The following COX7B variants were observed in gnomAD, a reference collection of about 807,000 sequenced individuals.
COX7B encodes cytochrome c oxidase subunit 7B, mitochondrial.
In COX7B, 2 loss-of-function variants were observed where a neutral mutation model predicts 7.9. That is an observed-to-expected ratio of 0.25 (90% CI 0.10 to 0.79). The LOEUF (loss-of-function observed/expected upper bound fraction) is 0.79, where lower values mean the gene tolerates loss of function less well. Ranked by LOEUF, COX7B falls within the 30% of genes least tolerant of loss-of-function variation. The probability of loss-of-function intolerance (pLI) is 0.69; values close to 1 mark genes in which losing one functional copy is unlikely to be tolerated. For synonymous variants in COX7B, 19 were observed against 21.1 expected (o/e 0.90, Z 0.27); for missense variants, 54 against 62.7 (o/e 0.86, Z 0.47).
Position 77,899,477 on chromosome X carries a change from C to T in COX7B, c.-77C>T, listed in dbSNP as rs2077114987. The T allele has an allele frequency of 9.2e-7, 1 of 1,090,246 alleles. No individual in the cohort carries two copies. The highest frequency in any genetic ancestry group is 1.9e-5 in the South Asian group (1 of 52,183). The allele number at this position is 1,090,246 out of a possible 1,213,427, so 89.8% of individuals were successfully genotyped here. On this transcript the variant is annotated 5_prime_UTR_variant, in exon 1 of 3. Coordinates refer to ENST00000650309, the MANE Select transcript of COX7B (RefSeq NM_001866.3). ...GGCTGAAAGCCATTTTGTTTTTCAG[C>T]TCACTTCAAGGGTACCTGAAGCGAA... is the stretch of plus-strand genomic sequence containing the variant.
chrX:77,903,028 G>GA, intron 2 of COX7B: 1 of 149,396 alleles, frequency 6.7e-6, no homozygotes, highest in African/African-American at 3.6e-5. Context: ...TTTTGTTTTT[G>GA]TTTTTTTTTT....
Position 77,904,258 on chromosome X carries a change from G to A in COX7B, c.166-926G>A, listed in dbSNP as rs573752285. Among the ~76,000 whole-genome samples, 3 of 109,895 alleles carry A rather than the reference G, an allele frequency of 2.7e-5. No individual in the cohort carries two copies. In the South Asian group the frequency reaches 1.2e-3, roughly 43 times the overall value. ...GAAGTCTTAATAAATGCATAAGTTGGTTTAAAAAGATACAAATTAATCCTT... is the reference window on the plus strand; with the variant it reads ...GAAGTCTTAATAAATGCATAAGTTGATTTAAAAAGATACAAATTAATCCTT... On this transcript the variant is annotated intron_variant, in intron 2 of 2. Transcript: ENST00000650309.
intron 2 of COX7B, among the ~76,000 whole-genome samples, chrX:77,904,659 C>CA (rs1324054242): frequency 1.4e-3 from 144 of 103,115 alleles, no homozygotes; most frequent in African/African-American, 3.2e-3. Context: ...AAAAAAGTCT[C>CA]AAAAAAAAAA....
chrX:77,903,334 C>T (rs1306636027), intron 2 of COX7B: 1 of 108,821 alleles, frequency 9.2e-6, no homozygotes, highest in Non-Finnish European at 1.9e-5. Context: ...AGCGGGATTA[C>T]AGGCGCCCTC....
intron 2 of COX7B, chrX:77,903,300 TTCTCCTG>T (rs2077126052): frequency 9.3e-6 from 1 of 108,028 alleles, no homozygotes; most frequent in Non-Finnish European, 1.9e-5. Context: ...GTTCAAGTGA[TTCTCCTG>T]TCTCAGCCTC....
At chrX:77,905,139 T>A (rs782653143) in intron 2 of COX7B, 45 bp from the exon 3 acceptor site, 1 of 974,699 alleles carries the variant, frequency 1.0e-6, no homozygotes, top group South Asian at 1.9e-5. Flanking sequence ...CGAGAGAGTG[T>A]ACTCTGGTTT....
rs1557221047 is a variant in COX7B, at chrX:77,905,408, A to C, written c.*147A>C. 1 of 451,458 alleles carries C rather than the reference A, an allele frequency of 2.2e-6. No individual in the cohort carries two copies. Among genetic ancestry groups the C allele is most frequent in the Non-Finnish European group, 3.8e-6 (1 of 260,053 alleles). 37.2% of individuals were successfully genotyped at this position (451,458 alleles called of 1,213,427 possible). A position where few individuals can be genotyped will look rare whatever the true frequency, so the allele number is the denominator to read the frequency against. On this transcript the variant is annotated 3_prime_UTR_variant, in exon 3 of 3. Coordinates refer to ENST00000650309, the MANE Select transcript of COX7B (RefSeq NM_001866.3). The stretch of plus-strand genomic sequence containing the variant: ...TCATTGTAGGTTTTGTTTCTTTGTA[A>C]ATGAAACTAAGCTTGATCACTTTAG...
rs2077136087 is a variant in COX7B, at chrX:77,906,732, A to AT, written c.*1473dup. 9.0e-6 allele frequency: 1 copy of AT among 110,950 alleles called. No individual in the cohort carries two copies. The highest frequency in any genetic ancestry group is 9.6e-5 in the Admixed American group (1 of 10,370). The allele number at this position is 110,950 out of a possible 1,213,427, so 9.1% of individuals were successfully genotyped here. On this transcript the variant is annotated 3_prime_UTR_variant, in exon 3 of 3. Coordinates refer to ENST00000650309, the MANE Select transcript of COX7B (RefSeq NM_001866.3). ...AACCTTTGCCTCCCGGATTCAAGTG[A>AT]TTCTCCTGTCTCAGCCTCCCTAGTA... is the stretch of plus-strand genomic sequence containing the variant.
chrX:77,904,388 C>T (rs1379254456), intron 2 of COX7B, among the ~76,000 whole-genome samples: 12 of 108,568 alleles, frequency 1.1e-4, no homozygotes, highest in African/African-American at 3.3e-4. Context: ...TGGTGGCTCA[C>T]GCCTGTAGTC....
At position 77,902,785 on chromosome X, in the gene COX7B, A is replaced by T. The variant is rs1557220749; in HGVS notation, c.165+18A>T. On this transcript the variant is annotated intron_variant, in intron 2 of 2. Coordinates refer to ENST00000650309, the MANE Select transcript of COX7B (RefSeq NM_001866.3). ...GGACATATGTAAGTACTATTGATTA[A>T]TAATTTCTGTTTCAGATGTTTTTCA... The T allele has an allele frequency of 8.3e-7, 1 of 1,199,148 alleles. No homozygotes were observed. The highest frequency in any genetic ancestry group is 1.1e-6 in the Non-Finnish European group (1 of 886,898).
At chrX:77,899,861 A>G (rs1245910361) in intron 1 of COX7B, among the ~76,000 whole-genome samples, 1 of 111,557 alleles carries the variant, frequency 9.0e-6, no homozygotes, top group Non-Finnish European at 1.9e-5. Context: ...ATTTCAGGGA[A>G]GGACATTCTT....
Position 77,905,914 on chromosome X carries a change from G to A in COX7B, c.*653G>A, listed in dbSNP as rs1321693183. The A allele has an allele frequency of 2.7e-5, 3 of 110,844 alleles. No individual in the cohort carries two copies. Among genetic ancestry groups the A allele is most frequent in the Non-Finnish European group, 5.7e-5 (3 of 53,025 alleles). The allele number at this position is 110,844 out of a possible 1,213,427, so 9.1% of individuals were successfully genotyped here. On this transcript the variant is annotated 3_prime_UTR_variant, in exon 3 of 3. Transcript: ENST00000650309. ...GATCCACCCACCTTGGTCTCCCAAA[G>A]TGCTGGGATTACAGGTGTGAGCCAC... is the stretch of plus-strand genomic sequence containing the variant.
rs2077115450 is a variant in COX7B, at chrX:77,899,584, C to T, written c.31C>T (p.Arg11Cys). 1.7e-6 allele frequency: 2 copies of T among 1,210,754 alleles called. No individual in the cohort carries two copies. The highest frequency in any genetic ancestry group is 2.2e-6 in the Non-Finnish European group (2 of 894,975). ...TCCCTTGGTCAAAAGCGCACTAAATCGTCTCCAAGGTGAGCAAAAATTATG... is the reference window on the plus strand; with the variant it reads ...TCCCTTGGTCAAAAGCGCACTAAATTGTCTCCAAGGTGAGCAAAAATTATG... MFPLVKSALN[R>C]LQVRSIQQTM... is the part of the protein sequence containing the mutation. Residue 11 changes from arginine (R) to cysteine (C), a missense_variant, in exon 1 of 3, where the codon CGT becomes TGT. Physicochemically the swap from Arg to Cys is radical, Grantham distance 180 (BLOSUM62 -3). Transcript: ENST00000650309.
Position 77,899,610 on chromosome X carries a change from A to C in COX7B, c.40+17A>C. 1 of 1,206,036 alleles carries C rather than the reference A, an allele frequency of 8.3e-7. No homozygotes were observed. The highest frequency in any genetic ancestry group is 1.1e-6 in the Non-Finnish European group (1 of 890,906). On this transcript the variant is annotated intron_variant, in intron 1 of 2. Transcript: ENST00000650309. ...GTCTCCAAGGTGAGCAAAAATTATG[A>C]CAAATCATTTACAACAACCTTATAT... is the stretch of plus-strand genomic sequence containing the variant.
rs781788728 is a variant in COX7B, at chrX:77,899,537, C to G, written c.-17C>G. The G allele has an allele frequency of 6.6e-6, 8 of 1,209,227 alleles. No homozygotes were observed. The highest frequency in any genetic ancestry group is 5.3e-5 in the African/African-American group (3 of 57,098). On this transcript the variant is annotated 5_prime_UTR_variant, in exon 1 of 3. Coordinates refer to ENST00000650309, the MANE Select transcript of COX7B (RefSeq NM_001866.3). ...AAGCAGCAGCTGTATTGCCGCAGTT[C>G]TAGCTTCACCTTCACGATGTTTCCC... is the stretch of plus-strand genomic sequence containing the variant.
At chrX:77,904,033 C>T (rs1460568241) in intron 2 of COX7B, among the ~76,000 whole-genome samples, 1 of 104,645 alleles carries the variant, frequency 9.6e-6, no homozygotes, top group Non-Finnish European at 2.0e-5. Flanking sequence ...CCCGGGTTCA[C>T]GCCATCCTCC....
chrX:77,904,231 C>CACAACTTTATCTA (rs1557220902), intron 2 of COX7B, among the ~76,000 whole-genome samples: 1 of 108,503 alleles, frequency 9.2e-6, no homozygotes. Flanking sequence ...TGCGCCCGGC[C>CACAACTTTATCTA]CGAAGTCTTA....
chrX:77,902,511 A>G, intron 1 of COX7B, 132 bp from the exon 2 acceptor site: 1 of 636,802 alleles, frequency 1.6e-6, no homozygotes, highest in Admixed American at 3.8e-5. Context: ...ATGTTTTAAC[A>G]TTTTATTGAA....
At chrX:77,900,348 A>G (rs1021373922) in intron 1 of COX7B, among the ~76,000 whole-genome samples, 24 of 112,421 alleles carry the variant, frequency 2.1e-4, no homozygotes, top group African/African-American at 7.8e-4. Context: ...CTGGGCAACA[A>G]GAGCGGGACT....
Sources: gnomAD v4.1 joint callset for allele counts (sites outside exome capture counted in the v4.1 genomes callset) on GRCh38, gnomAD v4.1.1 for gene constraint, MANE v1.5 for transcripts, NCBI Gene and HGNC (gene_info 2026-07-23, HGNC 2026-07-21) for gene names.